Variants in GMDS observed in about 807,000 individuals in gnomAD.
The protein encoded by GMDS is GDP-mannose 4,6-dehydratase.
GMDS carries 20 observed loss-of-function variants against 49.9 expected under a neutral mutation model. The observed-to-expected ratio is 0.40, with a 90% CI of 0.28 to 0.58. The LOEUF is 0.58. Ranked by LOEUF, GMDS falls within the 20% of genes least tolerant of loss-of-function variation. GMDS has a pLI of 0.42. For synonymous variants in GMDS, 177 were observed against 178.6 expected (o/e 0.99, Z 0.07); for missense variants, 362 against 481.4 (o/e 0.75, Z 2.32).
chr6:2,061,029 AAAAG>A (rs10538542), intron 4 of GMDS, among the ~76,000 whole-genome samples: 2,890 of 152,074 alleles, frequency 0.019, 77 homozygotes, highest in African/African-American at 0.065. Flanking sequence ...ACAAAAAAAA[AAAAG>A]AAAGGGAAAG....
intron 7 of GMDS, among the ~76,000 whole-genome samples, chr6:1,903,156 T>C (rs1473374927): frequency 2.0e-5 from 3 of 152,210 alleles, no homozygotes; most frequent in South Asian, 2.1e-4. Flanking sequence ...CAAAAAAAGA[T>C]TGTGGATTTA....
chr6:2,189,180 C>T (rs190608970), intron 1 of GMDS, among the ~76,000 whole-genome samples: 2 of 152,184 alleles, frequency 1.3e-5, no homozygotes, highest in South Asian at 2.1e-4. Context: ...ACAGAACACA[C>T]GGTGACTGGT....
chr6:1,959,017 A>C (rs1244503183), intron 6 of GMDS, among the ~76,000 whole-genome samples: 1 of 152,260 alleles, frequency 6.6e-6, no homozygotes, highest in African/African-American at 2.4e-5. Flanking sequence ...TGAAAAGGCA[A>C]CAAGCCAATA....
chr6:1,937,558 G>A (rs1370495205), intron 6 of GMDS, among the ~76,000 whole-genome samples: 1 of 152,182 alleles, frequency 6.6e-6, no homozygotes, highest in African/African-American at 2.4e-5. Flanking sequence ...ATCTACAGGA[G>A]AACCCTGATG....
At chr6:1,810,304 A>AT (rs1450657940) in intron 7 of GMDS, among the ~76,000 whole-genome samples, 3 of 151,894 alleles carry the variant, frequency 2.0e-5, no homozygotes, top group African/African-American at 7.3e-5. Flanking sequence ...ATTTATTTTT[A>AT]TTTTTTTGAG....
At chr6:2,123,510 A>G (rs3800156) in intron 2 of GMDS, among the ~76,000 whole-genome samples, 45,763 of 152,194 alleles carry the variant, frequency 0.3, 8,308 homozygotes, top group East Asian at 0.48. Flanking sequence ...TCTGAAACAC[A>G]GTATGGGCAT....
chr6:2,052,534 A>G (rs1032770652), intron 4 of GMDS, among the ~76,000 whole-genome samples: 5 of 152,210 alleles, frequency 3.3e-5, no homozygotes, highest in African/African-American at 1.2e-4. Context: ...TATCTTTGCC[A>G]TCTAAAATCT....
intron 1 of GMDS, among the ~76,000 whole-genome samples, chr6:2,164,876 T>C (rs1777585465): frequency 6.6e-6 from 1 of 152,242 alleles, no homozygotes; most frequent in Non-Finnish European, 1.5e-5. Context: ...TTTCCCCACT[T>C]TGTCCAGTGA....
intron 4 of GMDS, among the ~76,000 whole-genome samples, chr6:1,980,325 C>A (rs1456685127): frequency 6.6e-6 from 1 of 151,630 alleles, no homozygotes; most frequent in Non-Finnish European, 1.5e-5. Flanking sequence ...CACACATAGG[C>A]TCAAAATAAA....
At chr6:2,045,352 T>C (rs1186061343) in intron 4 of GMDS, among the ~76,000 whole-genome samples, 1 of 151,960 alleles carries the variant, frequency 6.6e-6, no homozygotes, top group African/African-American at 2.4e-5. Flanking sequence ...TATTACTGCT[T>C]AATGTTCTTA....
At chr6:2,177,760 A>G (rs1778349302) in intron 1 of GMDS, among the ~76,000 whole-genome samples, 1 of 152,208 alleles carries the variant, frequency 6.6e-6, no homozygotes, top group Non-Finnish European at 1.5e-5. Flanking sequence ...AAAAGCTGGA[A>G]GCATTCCCCT....
At chr6:1,669,414 C>A (rs138401150) in intron 9 of GMDS, among the ~76,000 whole-genome samples, 6 of 152,158 alleles carry the variant, frequency 3.9e-5, no homozygotes. Context: ...AGGTTCTTCC[C>A]ATTTTTAGGA....
intron 4 of GMDS, among the ~76,000 whole-genome samples, chr6:2,026,850 T>A (rs1768632234): frequency 6.6e-6 from 1 of 152,224 alleles, no homozygotes; most frequent in African/African-American, 2.4e-5. Flanking sequence ...TATTACAGCT[T>A]CATTAGTTTA....
chr6:1,701,483 T>C (rs1175723688), intron 9 of GMDS, among the ~76,000 whole-genome samples: 1 of 152,184 alleles, frequency 6.6e-6, no homozygotes, highest in Non-Finnish European at 1.5e-5. Context: ...CACTTTCCCA[T>C]TCATCGACAG....
chr6:1,905,159 T>C (rs1479304218), intron 7 of GMDS, among the ~76,000 whole-genome samples: 1 of 152,226 alleles, frequency 6.6e-6, no homozygotes. Flanking sequence ...AGCGAGCACT[T>C]ATTCTCAGGG....
At chr6:1,629,707 G>A (rs749327309) in intron 9 of GMDS, among the ~76,000 whole-genome samples, 19 of 152,314 alleles carry the variant, frequency 1.2e-4, no homozygotes, top group South Asian at 8.3e-4. Context: ...GACTCCGGAC[G>A]TGCGGTCCAG....
chr6:1,908,855 G>A (rs947842691), intron 7 of GMDS, among the ~76,000 whole-genome samples: 5 of 152,174 alleles, frequency 3.3e-5, no homozygotes, highest in Admixed American at 1.3e-4. Context: ...AGAGTTCTGC[G>A]TTAAGATCCC....
At chr6:1,858,676 C>T (rs568091347) in intron 7 of GMDS, among the ~76,000 whole-genome samples, 19 of 151,946 alleles carry the variant, frequency 1.3e-4, no homozygotes, top group South Asian at 6.3e-4. Flanking sequence ...TTTCTGACAC[C>T]GAGAGCCAAT....
At chr6:1,827,074 ATATATGTG>A (rs1445172763) in intron 7 of GMDS, among the ~76,000 whole-genome samples, 8 of 76,988 alleles carry the variant, frequency 1.0e-4, no homozygotes, top group South Asian at 6.1e-4. Flanking sequence ...TTAAAAAAAT[ATATATGTG>A]TGTGTGTGTG....
Sources: gnomAD v4.1 joint callset for allele counts (sites outside exome capture counted in the v4.1 genomes callset) on GRCh38, gnomAD v4.1.1 for gene constraint, MANE v1.5 for transcripts, NCBI Gene and HGNC (gene_info 2026-07-23, HGNC 2026-07-21) for gene names.